The following INSC variants were observed in gnomAD, a reference collection of about 807,000 sequenced individuals.
The protein encoded by INSC is protein inscuteable homolog.
INSC carries 67 observed loss-of-function variants against 58.6 expected under a neutral mutation model. The observed-to-expected ratio is 1.14, with a 90% CI of 0.94 to 1.40. The LOEUF is 1.40. Ranked by LOEUF, INSC falls within the 40% of genes most tolerant of loss-of-function variation. The probability of loss-of-function intolerance (pLI) is 0.00; values close to 1 mark genes in which losing one functional copy is unlikely to be tolerated. For missense variants in INSC, 714 were observed against 692.0 expected (o/e 1.03, Z -0.36); for synonymous variants, 262 against 276.1 (o/e 0.95, Z 0.51).
chr11:15,177,523 G>A (rs1469723832), intron 4 of INSC, among the ~76,000 whole-genome samples: 1 of 152,064 alleles, frequency 6.6e-6, no homozygotes, highest in Non-Finnish European at 1.5e-5. Context: ...CCTTACACAC[G>A]CACATACACA....
At chr11:15,230,005 AT>A (rs1564917753) in intron 9 of INSC, among the ~76,000 whole-genome samples, 100 of 25,850 alleles carry the variant, frequency 3.9e-3, no homozygotes, top group South Asian at 6.5e-3. Context: ...ATATATATAT[AT>A]ATATATAATA....
At chr11:15,146,703 T>C (rs1848501604) in intron 1 of INSC, among the ~76,000 whole-genome samples, 1 of 152,236 alleles carries the variant, frequency 6.6e-6, no homozygotes, top group African/African-American at 2.4e-5. Context: ...TGGCTTCTTG[T>C]GCTCACTGCT....
At chr11:15,182,036 T>G (rs1849797551) in intron 5 of INSC, among the ~76,000 whole-genome samples, 1 of 152,146 alleles carries the variant, frequency 6.6e-6, no homozygotes, top group Non-Finnish European at 1.5e-5. Flanking sequence ...GCAGCTGTAG[T>G]CCAGGCTGTC....
At chr11:15,254,883 T>C in the INSC span, among the ~76,000 whole-genome samples, 1 of 151,476 alleles carries the variant, frequency 6.6e-6, no homozygotes, top group East Asian at 1.9e-4. Flanking sequence ...ACAGAGCAAA[T>C]AAATGGAAAA....
upstream of INSC, among the ~76,000 whole-genome samples, chr11:15,113,029 T>C (rs1847604161): frequency 6.6e-6 from 1 of 152,154 alleles, no homozygotes; most frequent in African/African-American, 2.4e-5. Context: ...TGAGGAAGAA[T>C]TGGAGACTTC....
chr11:15,162,288 C>T (rs182259794), intron 2 of INSC, among the ~76,000 whole-genome samples: 1 of 152,288 alleles, frequency 6.6e-6, no homozygotes, highest in Admixed American at 6.5e-5. Context: ...ACTCTAGCCA[C>T]ACTTATCTCC....
At chr11:15,170,230 C>T (rs557100823) in intron 2 of INSC, among the ~76,000 whole-genome samples, 1 of 152,042 alleles carries the variant, frequency 6.6e-6, no homozygotes, top group South Asian at 2.1e-4. Flanking sequence ...TATGCAAAAT[C>T]TGTGGATATG....
At chr11:15,235,997 A>T (rs1249182528) in intron 10 of INSC, among the ~76,000 whole-genome samples, 3 of 146,020 alleles carry the variant, frequency 2.1e-5, no homozygotes, top group African/African-American at 7.7e-5. Context: ...CGGAGGTTGC[A>T]GTGAGCTGAG....
intron 1 of INSC, among the ~76,000 whole-genome samples, chr11:15,143,886 A>G (rs993828867): frequency 6.6e-6 from 1 of 152,206 alleles, no homozygotes; most frequent in Non-Finnish European, 1.5e-5. Context: ...ATTGAAAAAA[A>G]GCCTACAATG....
chr11:15,237,410 T>C (rs1315894136), intron 10 of INSC, among the ~76,000 whole-genome samples: 2 of 152,200 alleles, frequency 1.3e-5, no homozygotes, highest in Admixed American at 1.3e-4. Context: ...CCCTACCTCA[T>C]AAGGATGTTG....
chr11:15,177,042 G>T, intron 3 of INSC, 69 bp from the exon 4 acceptor site: 1 of 1,195,754 alleles, frequency 8.4e-7, no homozygotes. Flanking sequence ...GTCCCCGTGT[G>T]CTCAGCACAG....
At position 15,177,633 on chromosome 11, in the gene INSC, C is replaced by T. The variant is rs1849618614; in HGVS notation, c.455+470C>T. On this transcript the variant is annotated intron_variant, in intron 4 of 12. Coordinates refer to ENST00000379556, the MANE Select transcript of INSC (RefSeq NM_001042536.3). ...TTCACACCCTTTCCTCCATATTTCA[C>T]ACACATAAACCTACATATGTTTATA... is the stretch of plus-strand genomic sequence containing the variant. Among the ~76,000 whole-genome samples, 7 of 152,350 alleles carry T rather than the reference C, an allele frequency of 4.6e-5. No homozygotes were observed. The South Asian group carries it at 1.4e-3, about 32-fold the overall frequency.
intron 2 of INSC, among the ~76,000 whole-genome samples, chr11:15,171,314 C>A (rs1049072724): frequency 6.6e-6 from 1 of 152,110 alleles, no homozygotes; most frequent in South Asian, 2.1e-4. Flanking sequence ...CCAGTCCTAG[C>A]CATCCCTACC....
intron 5 of INSC, among the ~76,000 whole-genome samples, chr11:15,180,638 C>G (rs1454134797): frequency 3.3e-5 from 4 of 122,718 alleles, no homozygotes; most frequent in Non-Finnish European, 6.3e-5. Flanking sequence ...AGCTCCTGCC[C>G]TGTTAGAGTG....
the INSC span, among the ~76,000 whole-genome samples, chr11:15,258,519 A>G: frequency 6.6e-6 from 1 of 152,264 alleles, no homozygotes; most frequent in South Asian, 2.1e-4. Flanking sequence ...AGATCTTCAT[A>G]GAAAAGACTG....
intron 7 of INSC, among the ~76,000 whole-genome samples, chr11:15,216,477 T>C (rs1397826578): frequency 6.6e-6 from 1 of 152,216 alleles, no homozygotes; most frequent in Non-Finnish European, 1.5e-5. Flanking sequence ...TTATTTCTGC[T>C]TCATCTCTGT....
intron 6 of INSC, among the ~76,000 whole-genome samples, chr11:15,197,115 T>C (rs1242606990): frequency 6.6e-6 from 1 of 152,224 alleles, no homozygotes; most frequent in Non-Finnish European, 1.5e-5. Context: ...ATTTTGAAGA[T>C]GAAGAGACAG....
chr11:15,236,743 G>A (rs11023482), intron 10 of INSC, among the ~76,000 whole-genome samples: 9,523 of 152,252 alleles, frequency 0.063, 371 homozygotes, highest in East Asian at 0.1. Context: ...CTAATGAGGC[G>A]GAGTGAGCTG....
rs1945624 is a variant in INSC, at chr11:15,246,181, A to G, written c.*141A>G. On this transcript the variant is annotated 3_prime_UTR_variant, in exon 13 of 13. Transcript: ENST00000379556. ...TTTTTGTGTGAAATAAATGGAGGAC[A>G]AAATCTTAGAGCAACATCATCAAAC... The G allele has an allele frequency of 0.67, 534,814 of 802,402 alleles. 180,898 individuals carry two copies. Among genetic ancestry groups the G allele is most frequent in the East Asian group, 0.85 (31,385 of 36,980 alleles). 49.7% of individuals were successfully genotyped at this position (802,402 alleles called of 1,614,324 possible). A position where few individuals can be genotyped will look rare whatever the true frequency, so the allele number is the denominator to read the frequency against.
Sources: allele counts gnomAD v4.1 joint callset (sites outside exome capture counted in the v4.1 genomes callset), GRCh38; gene constraint gnomAD v4.1.1; transcripts MANE v1.5; gene names NCBI Gene and HGNC (gene_info 2026-07-23, HGNC 2026-07-21).